The following PPA2 variants were observed in gnomAD, a reference collection of about 807,000 sequenced individuals.
PPA2 encodes the protein inorganic pyrophosphatase 2, mitochondrial.
A neutral mutation model predicts 49.5 loss-of-function variants in PPA2; 48 were observed. The observed-to-expected ratio is 0.97, with a 90% confidence interval of 0.77 to 1.23. The LOEUF (loss-of-function observed/expected upper bound fraction) is 1.23, where lower values mean the gene tolerates loss of function less well. Ranked by LOEUF, PPA2 falls within the 50% of genes most tolerant of loss-of-function variation. The pLI is 0.00. For synonymous variants in PPA2, 131 were observed against 139.9 expected (o/e 0.94, Z 0.45); for missense variants, 429 against 410.1 (o/e 1.05, Z -0.40).
At chr4:105,381,179 T>A (rs1171189601) in intron 10 of PPA2, among the ~76,000 whole-genome samples, 2 of 152,110 alleles carry the variant, frequency 1.3e-5, no homozygotes, top group Non-Finnish European at 2.9e-5. Flanking sequence ...ATTGTATGTT[T>A]CCTCTTTTGT....
intron 6 of PPA2, among the ~76,000 whole-genome samples, chr4:105,430,189 T>G (rs1470221054): frequency 2.6e-5 from 4 of 152,234 alleles, no homozygotes; most frequent in Non-Finnish European, 5.9e-5. Context: ...CTGAAATTAT[T>G]TATTTTGAGG....
At chr4:105,388,837 A>G (rs372406515) in intron 9 of PPA2, among the ~76,000 whole-genome samples, 14 of 25,880 alleles carry the variant, frequency 5.4e-4, no homozygotes, top group South Asian at 2.6e-3. Context: ...AAAAAAAAAG[A>G]AAAAAAAAAA....
intron 4 of PPA2, among the ~76,000 whole-genome samples, chr4:105,447,582 T>C (rs1722453099): frequency 6.6e-6 from 1 of 152,200 alleles, no homozygotes; most frequent in Non-Finnish European, 1.5e-5. Context: ...TTATTTAGCT[T>C]AAGTTATTCC....
intron 9 of PPA2, among the ~76,000 whole-genome samples, chr4:105,389,382 A>G (rs1733811004): frequency 6.6e-6 from 1 of 151,696 alleles, no homozygotes; most frequent in East Asian, 1.9e-4. Context: ...CTGCCAGGGG[A>G]AAAGCAGTAT....
At chr4:105,399,185 AG>A in intron 7 of PPA2, 21 bp from the exon 8 acceptor site, 1 of 1,579,740 alleles carries the variant, frequency 6.3e-7, no homozygotes, top group Non-Finnish European at 8.5e-7. Flanking sequence ...AAAAACAAAA[AG>A]ATGTTTTGTT....
chr4:105,390,919 A>G (rs973305053), intron 9 of PPA2, among the ~76,000 whole-genome samples: 3 of 152,194 alleles, frequency 2.0e-5, no homozygotes, highest in Non-Finnish European at 2.9e-5. Flanking sequence ...ACAATAGCAA[A>G]GACACAGAAC....
chr4:105,413,130 A>C (rs1578834723), intron 7 of PPA2, among the ~76,000 whole-genome samples: 1 of 152,304 alleles, frequency 6.6e-6, no homozygotes, highest in East Asian at 1.9e-4. Flanking sequence ...GCACATATAC[A>C]CCATGGAATA....
chr4:105,471,478 C>T (rs1723521039), intron 1 of PPA2, among the ~76,000 whole-genome samples: 1 of 152,150 alleles, frequency 6.6e-6, no homozygotes. Context: ...ACTAGTATTT[C>T]AGAGACTTGG....
intron 6 of PPA2, among the ~76,000 whole-genome samples, chr4:105,425,588 T>C (rs935466217): frequency 6.6e-6 from 1 of 152,032 alleles, no homozygotes; most frequent in Non-Finnish European, 1.5e-5. Context: ...ACATTCAGCA[T>C]TCTATCTCAT....
chr4:105,450,871 T>C (rs1722648548), intron 3 of PPA2, among the ~76,000 whole-genome samples: 1 of 152,114 alleles, frequency 6.6e-6, no homozygotes, highest in Non-Finnish European at 1.5e-5. Flanking sequence ...CCTCCCAAAG[T>C]GCTGGGATTA....
chr4:105,406,277 A>G (rs901478493), intron 7 of PPA2, among the ~76,000 whole-genome samples: 1 of 152,144 alleles, frequency 6.6e-6, no homozygotes, highest in African/African-American at 2.4e-5. Flanking sequence ...GTAAGGAAAA[A>G]AAAGATGAAA....
chr4:105,463,369 AT>A (rs1240487022), intron 1 of PPA2, among the ~76,000 whole-genome samples: 1 of 152,182 alleles, frequency 6.6e-6, no homozygotes, highest in African/African-American at 2.4e-5. Flanking sequence ...GGAGGAAGAA[AT>A]TTCTAAGAAG....
intron 7 of PPA2, among the ~76,000 whole-genome samples, chr4:105,409,294 C>T (rs1486834490): frequency 6.6e-6 from 1 of 152,254 alleles, no homozygotes; most frequent in Non-Finnish European, 1.5e-5. Flanking sequence ...GCCTTGTTCA[C>T]TGCTAGCGCA....
chr4:105,420,562 C>T (rs1241048484), intron 7 of PPA2, among the ~76,000 whole-genome samples: 1 of 152,148 alleles, frequency 6.6e-6, no homozygotes, highest in Non-Finnish European at 1.5e-5. Flanking sequence ...AAATTTCTCT[C>T]GTTTATCTGA....
intron 5 of PPA2, among the ~76,000 whole-genome samples, chr4:105,442,870 T>C (rs902872584): frequency 1.3e-5 from 2 of 152,212 alleles, no homozygotes; most frequent in Non-Finnish European, 2.9e-5. Flanking sequence ...ACAAGACGAA[T>C]CATAGAACAG....
At chr4:105,424,081 T>C in intron 7 of PPA2, 115 bp downstream of exon 7, 1 of 1,090,202 alleles carries the variant, frequency 9.2e-7, no homozygotes, top group Non-Finnish European at 1.3e-6. Context: ...CTACATCTTT[T>C]CCTCTCTCTT....
At chr4:105,386,796 A>G (rs987516445) in intron 9 of PPA2, among the ~76,000 whole-genome samples, 160 bp from the exon 10 acceptor site, 2 of 152,242 alleles carry the variant, frequency 1.3e-5, no homozygotes. Flanking sequence ...AAATTATTGT[A>G]TATTCTTTCA....
intron 1 of PPA2, among the ~76,000 whole-genome samples, chr4:105,461,931 T>C (rs1366856958): frequency 6.6e-6 from 1 of 152,200 alleles, no homozygotes; most frequent in Admixed American, 6.5e-5. Flanking sequence ...GTTAGAAAAC[T>C]GAACATTTCC....
At chr4:105,405,876 G>T (rs1255137004) in intron 7 of PPA2, 1 of 455,006 alleles carries the variant, frequency 2.2e-6, no homozygotes, top group Non-Finnish European at 4.4e-6. Flanking sequence ...GGACAGGCTG[G>T]AAGTTTGGCT....
Sources: gnomAD v4.1 joint callset for allele counts (sites outside exome capture counted in the v4.1 genomes callset) on GRCh38, gnomAD v4.1.1 for gene constraint, MANE v1.5 for transcripts, NCBI Gene and HGNC (gene_info 2026-07-23, HGNC 2026-07-21) for gene names.